The following AGBL1 variants were observed in gnomAD, a reference collection of about 807,000 sequenced individuals.
AGBL1 encodes cytosolic carboxypeptidase 4.
A neutral mutation model predicts 118.9 loss-of-function variants in AGBL1; 130 were observed. The ratio of observed to expected loss-of-function variants is 1.09; its 90% CI spans 0.95 to 1.26. The LOEUF (loss-of-function observed/expected upper bound fraction) is 1.26. AGBL1 is among the 50% of genes most tolerant of loss of function. AGBL1 has a pLI of 0.00. For missense variants in AGBL1, 1,584 were observed against 1,298.1 expected, an observed-to-expected ratio of 1.22 and a Z score of -3.38; for synonymous variants, 555 against 478.9, an observed-to-expected ratio of 1.16 and a Z score of -2.08.
At chr15:86,933,184 C>T (rs2080625506) in intron 23 of AGBL1, among the ~76,000 whole-genome samples, 1 of 152,174 alleles carries the variant, frequency 6.6e-6, no homozygotes, top group Non-Finnish European at 1.5e-5. Flanking sequence ...TCTAACGTGG[C>T]TGACTCCATC....
At chr15:86,089,733 A>G (rs1373525266) in intron 1 of AGBL1, among the ~76,000 whole-genome samples, 1 of 152,156 alleles carries the variant, frequency 6.6e-6, no homozygotes, top group Non-Finnish European at 1.5e-5. Context: ...TTCGACCCAG[A>G]GCATCTATAT....
chr15:86,241,943 G>T (rs1317687191), intron 6 of AGBL1, among the ~76,000 whole-genome samples: 1 of 152,160 alleles, frequency 6.6e-6, no homozygotes, highest in East Asian at 1.9e-4. Context: ...GTTCCCACGT[G>T]TCATGGGAGG....
intron 24 of AGBL1, among the ~76,000 whole-genome samples, chr15:87,012,879 C>A (rs1386012173): frequency 6.6e-6 from 1 of 152,102 alleles, no homozygotes; most frequent in African/African-American, 2.4e-5. Context: ...TCAAAAAATT[C>A]TTTCCAGCTC....
intron 1 of AGBL1, chr15:86,107,794 C>A (rs1345230574): frequency 6.6e-6 from 1 of 152,216 alleles, no homozygotes; most frequent in Non-Finnish European, 1.5e-5. Flanking sequence ...TCAAGAGGTT[C>A]ATGGATTGGA....
intron 21 of AGBL1, among the ~76,000 whole-genome samples, chr15:86,656,123 G>A (rs1052524066): frequency 7.9e-5 from 12 of 152,146 alleles, no homozygotes; most frequent in Non-Finnish European, 1.0e-4. Flanking sequence ...AGGTCTTTGT[G>A]TGATGAATTT....
At chr15:86,758,028 G>C (rs888102197) in intron 22 of AGBL1, among the ~76,000 whole-genome samples, 3 of 152,032 alleles carry the variant, frequency 2.0e-5, no homozygotes, top group Admixed American at 6.6e-5. Context: ...TCAATTATCA[G>C]GGCCTTTGAA....
In AGBL1 at chr15:86,487,018, C is replaced by T. The variant is rs141759293; in HGVS notation, c.2556-35792C>T. On this transcript the variant is annotated intron_variant, in intron 18 of 22. Transcript: ENST00000614907. The stretch of plus-strand genomic sequence containing the variant: ...TCAGCCCATAGGTGTCCAACGGTGC[C>T]GCACGCTCCTTGCTATAAAACTGGC... Among the ~76,000 whole-genome samples the T allele has an allele frequency of 4.1e-3, 627 of 152,140 alleles. 2 individuals are homozygous for T. The highest frequency in any genetic ancestry group is 6.0e-3 in the Non-Finnish European group (410 of 67,974).
chr15:86,106,424 C>A (rs908693917), intron 1 of AGBL1, among the ~76,000 whole-genome samples: 1 of 152,218 alleles, frequency 6.6e-6, no homozygotes, highest in Non-Finnish European at 1.5e-5. Flanking sequence ...TGAGATAAAA[C>A]CTCCATCTGA....
chr15:86,637,960 A>T (rs2085124671), intron 21 of AGBL1, among the ~76,000 whole-genome samples: 1 of 152,166 alleles, frequency 6.6e-6, no homozygotes, highest in African/African-American at 2.4e-5. Flanking sequence ...TAGTTTCTCT[A>T]TCCTTCTGCC....
chr15:86,213,653 CA>C (rs2078137777), intron 5 of AGBL1, among the ~76,000 whole-genome samples: 1 of 152,160 alleles, frequency 6.6e-6, no homozygotes, highest in Non-Finnish European at 1.5e-5. Flanking sequence ...GTCTTTGCCA[CA>C]CTGTACCCCT....
intron 24 of AGBL1, among the ~76,000 whole-genome samples, chr15:87,017,940 C>A (rs184915475): frequency 6.7e-6 from 1 of 149,400 alleles, no homozygotes; most frequent in Non-Finnish European, 1.5e-5. Flanking sequence ...CAGCCAGTTT[C>A]GAGATGAACA....
At chr15:87,010,761 G>A (rs560497053) in intron 24 of AGBL1, among the ~76,000 whole-genome samples, 1 of 152,126 alleles carries the variant, frequency 6.6e-6, no homozygotes, top group Admixed American at 6.6e-5. Flanking sequence ...AGCCTATCAT[G>A]GGACTCCTCA....
At chr15:86,999,353 C>T (rs982820291) in intron 24 of AGBL1, among the ~76,000 whole-genome samples, 22 of 148,510 alleles carry the variant, frequency 1.5e-4, no homozygotes, top group Admixed American at 9.4e-4. Flanking sequence ...GTATATCTCC[C>T]GATGCTATCC....
rs184196922 is a variant in AGBL1, at chr15:86,206,926, G to A, written c.489-17988G>A. ...TTGGTATTGCCTAAGTTTTCTTCTA[G>A]GGTTTTTATGGTTTTATGTCTAACA... On this transcript the variant is annotated intron_variant, in intron 5 of 22. Transcript: ENST00000614907. Among the ~76,000 whole-genome samples, 995 of 152,272 alleles carry A rather than the reference G, an allele frequency of 6.5e-3. 8 individuals are homozygous for A. The highest frequency in any genetic ancestry group is 0.01 in the Non-Finnish European group (682 of 68,022).
chr15:86,595,243 T>C (rs573038560), intron 21 of AGBL1, among the ~76,000 whole-genome samples: 5 of 152,318 alleles, frequency 3.3e-5, no homozygotes, highest in African/African-American at 1.2e-4. Flanking sequence ...ATTCCAAATT[T>C]ATATCTCCAG....
intron 23 of AGBL1, among the ~76,000 whole-genome samples, chr15:86,965,093 C>A (rs2081035959): frequency 6.6e-6 from 1 of 152,096 alleles, no homozygotes; most frequent in Admixed American, 6.6e-5. Flanking sequence ...AATAAACATA[C>A]ATGTGCATGT....
chr15:86,742,777 C>T (rs1442983021), intron 22 of AGBL1, among the ~76,000 whole-genome samples: 3 of 152,100 alleles, frequency 2.0e-5, no homozygotes, highest in African/African-American at 7.2e-5. Flanking sequence ...TACAAGTCTC[C>T]TTATGCAGAA....
chr15:86,087,332 CT>C (rs565797859), intron 1 of AGBL1, among the ~76,000 whole-genome samples: 3,053 of 135,312 alleles, frequency 0.023, 22 homozygotes, highest in Non-Finnish European at 0.029. Flanking sequence ...ATTTAATGGG[CT>C]TTTTTTTTTT....
At chr15:86,300,955 G>T (rs1369736269) in intron 17 of AGBL1, among the ~76,000 whole-genome samples, 2 of 152,164 alleles carry the variant, frequency 1.3e-5, no homozygotes, top group Non-Finnish European at 2.9e-5. Context: ...CTTGTAAGTG[G>T]TTTTAAATTA....
Sources: allele counts gnomAD v4.1 joint callset (sites outside exome capture counted in the v4.1 genomes callset), GRCh38; gene constraint gnomAD v4.1.1; transcripts MANE v1.5; gene names NCBI Gene and HGNC (gene_info 2026-07-23, HGNC 2026-07-21).